Variants in SHANK2 observed in about 807,000 individuals in gnomAD.
SHANK2 encodes SH3 and multiple ankyrin repeat domains 2.
Under a neutral mutation model 133.7 loss-of-function variants are expected in SHANK2, and 43 were observed. That is an observed-to-expected ratio of 0.32 (90% CI 0.25 to 0.41). The LOEUF is 0.41. SHANK2 is among the 10% of genes least tolerant of loss of function. The pLI, the probability that SHANK2 is intolerant of heterozygous loss-of-function variation, is 1.00. For synonymous variants in SHANK2, 1,017 were observed against 952.8 expected (o/e 1.07, Z -1.24); for missense variants, 1,994 against 2,235.8 (o/e 0.89, Z 2.18).
chr11:70,859,380 G>A (rs1280221040), intron 11 of SHANK2, among the ~76,000 whole-genome samples: 1 of 152,078 alleles, frequency 6.6e-6, no homozygotes, highest in Non-Finnish European at 1.5e-5. Flanking sequence ...GCGAGTAGGT[G>A]GACGGAAAGA....
At chr11:71,134,959 A>G (rs1431656964) in intron 3 of SHANK2, among the ~76,000 whole-genome samples, 6 of 151,844 alleles carry the variant, frequency 4.0e-5, no homozygotes, top group Non-Finnish European at 8.8e-5. Context: ...TCTGTACCAA[A>G]CCTCTGCCCA....
At chr11:70,591,090 C>G (rs2060314571) in intron 17 of SHANK2, among the ~76,000 whole-genome samples, 2 of 152,192 alleles carry the variant, frequency 1.3e-5, no homozygotes, top group African/African-American at 4.8e-5. Context: ...GTTTGTCATC[C>G]CAGCACTTTG....
intron 11 of SHANK2, among the ~76,000 whole-genome samples, chr11:70,886,704 CA>C (rs1949751605): frequency 6.8e-6 from 1 of 146,154 alleles, no homozygotes; most frequent in Non-Finnish European, 1.5e-5. Context: ...CAATCACACA[CA>C]CACACACACA....
intron 9 of SHANK2, among the ~76,000 whole-genome samples, chr11:71,071,551 G>A (rs1258051232): frequency 6.6e-6 from 1 of 152,256 alleles, no homozygotes; most frequent in Non-Finnish European, 1.5e-5. Flanking sequence ...CCCTGGCTAT[G>A]TCTCACAAAG....
chr11:71,166,380 C>G (rs1953148757), intron 2 of SHANK2, among the ~76,000 whole-genome samples: 1 of 152,016 alleles, frequency 6.6e-6, no homozygotes, highest in Non-Finnish European at 1.5e-5. Flanking sequence ...TCTTTCCAGA[C>G]AGCAAGAATG....
chr11:70,557,867 T>G (rs1654371127), intron 17 of SHANK2, among the ~76,000 whole-genome samples: 1 of 152,240 alleles, frequency 6.6e-6, no homozygotes, highest in Admixed American at 6.5e-5. Flanking sequence ...CTGGGCTTTC[T>G]GCAGCCACAG....
At chr11:70,528,814 C>T (rs191082928) in intron 17 of SHANK2, among the ~76,000 whole-genome samples, 113 of 152,204 alleles carry the variant, frequency 7.4e-4, no homozygotes, top group African/African-American at 2.4e-3. Flanking sequence ...TGGCAGCCGG[C>T]GAGCTGGGAG....
At chr11:70,657,045 C>A (rs1190847555) in intron 17 of SHANK2, among the ~76,000 whole-genome samples, 1 of 152,312 alleles carries the variant, frequency 6.6e-6, no homozygotes, top group Non-Finnish European at 1.5e-5. Flanking sequence ...TAAAAGCCAA[C>A]ATTCACTTCA....
In SHANK2 at chr11:70,876,644, G is replaced by A. The variant is rs144315012; in HGVS notation, c.1174+19857C>T. 4.1e-3 allele frequency among the ~76,000 whole-genome samples: 616 copies of A among 151,966 alleles called. 2 individuals are homozygous for A. The highest frequency in any genetic ancestry group is 0.014 in the African/African-American group (591 of 41,412). ...ACACATGCATACACATGCATATATT[G>A]CATGTTGATTCATTAACGGGGAAGC... is the stretch of plus-strand genomic sequence containing the variant. On this transcript the variant is annotated intron_variant, in intron 11 of 25. Transcript: ENST00000601538.
chr11:71,081,726 C>T (rs1303135239), intron 8 of SHANK2, among the ~76,000 whole-genome samples: 1 of 152,178 alleles, frequency 6.6e-6, no homozygotes, highest in Non-Finnish European at 1.5e-5. Flanking sequence ...AGAACCTTGC[C>T]AGGCCAGAGG....
chr11:70,524,807 G>C (rs2059375596), intron 17 of SHANK2, among the ~76,000 whole-genome samples: 1 of 152,230 alleles, frequency 6.6e-6, no homozygotes, highest in Non-Finnish European at 1.5e-5. Context: ...CAGTGCTCTG[G>C]AACATGTTGA....
At chr11:70,820,108 T>C in intron 12 of SHANK2, among the ~76,000 whole-genome samples, 1 of 152,144 alleles carries the variant, frequency 6.6e-6, no homozygotes, top group Admixed American at 6.5e-5. Context: ...CACCCCAGGA[T>C]GCTCAGCTCA....
chr11:71,076,339 TCATGAATC>T, intron 8 of SHANK2, among the ~76,000 whole-genome samples: 1 of 152,242 alleles, frequency 6.6e-6, no homozygotes, highest in African/African-American at 2.4e-5. Flanking sequence ...GAAGGGGTTC[TCATGAATC>T]CTGCTCTACT....
rs555725707 is a variant in SHANK2, at chr11:70,899,397, A to G, written c.1108-2830T>C. Among the ~76,000 whole-genome samples, 4 of 152,272 alleles carry G rather than the reference A, an allele frequency of 2.6e-5. No homozygotes were observed. In the East Asian group the frequency reaches 7.7e-4, roughly 29 times the overall value. On this transcript the variant is annotated intron_variant, in intron 10 of 25. Coordinates refer to ENST00000601538, the MANE Select transcript of SHANK2 (RefSeq NM_012309.5). ...TAAGATTCCTGAGGGCTCCCCAGCC[A>G]TGCGGAACTGTGTATCGATTAAACC...
intron 14 of SHANK2, among the ~76,000 whole-genome samples, chr11:70,708,888 C>CG (rs1555025531): frequency 6.6e-6 from 1 of 152,158 alleles, no homozygotes; most frequent in African/African-American, 2.4e-5. Context: ...TGTGGACCCC[C>CG]CCTGCTGACC....
intron 2 of SHANK2, among the ~76,000 whole-genome samples, chr11:71,155,463 C>T (rs1952890293): frequency 6.6e-6 from 1 of 151,652 alleles, no homozygotes; most frequent in African/African-American, 2.4e-5. Flanking sequence ...GTGGACCTAC[C>T]CCTGCCCACG....
At chr11:70,822,375 G>A (rs1948542122) in intron 11 of SHANK2, among the ~76,000 whole-genome samples, 1 of 152,242 alleles carries the variant, frequency 6.6e-6, no homozygotes, top group Non-Finnish European at 1.5e-5. Context: ...AAGTAGTTTA[G>A]GACACAGGTG....
chr11:70,497,242 T>C (rs1459891099), intron 21 of SHANK2, among the ~76,000 whole-genome samples: 1 of 152,214 alleles, frequency 6.6e-6, no homozygotes, highest in Non-Finnish European at 1.5e-5. Flanking sequence ...CTTGGAGATC[T>C]TGTTTACCGG....
chr11:71,102,732 T>C (rs1555096915), intron 6 of SHANK2, among the ~76,000 whole-genome samples: 1 of 152,204 alleles, frequency 6.6e-6, no homozygotes, highest in African/African-American at 2.4e-5. Context: ...AAGAGACCCC[T>C]GTTCGTCCCA....
Sources: allele counts gnomAD v4.1 joint callset (sites outside exome capture counted in the v4.1 genomes callset), GRCh38; gene constraint gnomAD v4.1.1; transcripts MANE v1.5; gene names NCBI Gene and HGNC (gene_info 2026-07-23, HGNC 2026-07-21).